The following TLN2 variants were observed in gnomAD, a reference collection of about 807,000 sequenced individuals.
The protein encoded by TLN2 is talin 2, also known as talin-2.
TLN2 carries 118 observed loss-of-function variants against 294.7 expected under a neutral mutation model. That is an observed-to-expected ratio of 0.40 (90% CI 0.34 to 0.47). The LOEUF is 0.47. Ranked by LOEUF, TLN2 falls within the 20% of genes least tolerant of loss-of-function variation. The probability of loss-of-function intolerance (pLI) is 0.84; values close to 1 mark genes in which losing one functional copy is unlikely to be tolerated. For missense variants in TLN2, 3,083 were observed against 3,282.2 expected (o/e 0.94, Z 1.48); for synonymous variants, 1,431 against 1,304.5 (o/e 1.10, Z -2.09).
At chr15:62,631,524 T>TTCCTTTCCTTTCCTC (rs2049847551) in intron 3 of TLN2, among the ~76,000 whole-genome samples, 1 of 56,106 alleles carries the variant, frequency 1.8e-5, no homozygotes, top group Admixed American at 2.0e-4. Context: ...CTTTCTTCCT[T>TTCCTTTCCTTTCCTC]TCCTTTCCTT....
At chr15:62,716,140 G>C (rs2059757036) in intron 22 of TLN2, among the ~76,000 whole-genome samples, 191 bp from the exon 23 acceptor site, 1 of 152,220 alleles carries the variant, frequency 6.6e-6, no homozygotes, top group African/African-American at 2.4e-5. Flanking sequence ...GCTTAGCTAT[G>C]CAATTTTGAA....
At chr15:62,453,350 G>A (rs2036266670) in intron 1 of TLN2, among the ~76,000 whole-genome samples, 1 of 151,584 alleles carries the variant, frequency 6.6e-6, no homozygotes, top group Admixed American at 6.6e-5. Flanking sequence ...GTTCTTCAGA[G>A]AAACAAGCAG....
At position 62,750,538 on chromosome 15, in the gene TLN2, T is replaced by C. The variant is rs751856126; in HGVS notation, c.4209+47T>C. 2.6e-6 allele frequency: 4 copies of C among 1,541,290 alleles called. No homozygotes were observed. The African/African-American group carries it at 5.5e-5, about 21-fold the overall frequency. On this transcript the variant is annotated intron_variant, in intron 34 of 58. Coordinates refer to ENST00000636159, the MANE Select transcript of TLN2 (RefSeq NM_015059.3). ...GTCAGAAGTTAGCATTGCTTGTCAA[T>C]GTGGGGAGAAGTTTAGACGTGCCTT...
intron 1 of TLN2, among the ~76,000 whole-genome samples, chr15:62,460,695 T>C (rs182570047): frequency 1.6e-4 from 24 of 152,232 alleles, no homozygotes; most frequent in African/African-American, 5.8e-4. Flanking sequence ...AAGAATTCCA[T>C]GTTTATTTCA....
intron 1 of TLN2, among the ~76,000 whole-genome samples, chr15:62,399,486 C>T (rs546156807): frequency 6.6e-6 from 1 of 152,228 alleles, no homozygotes; most frequent in South Asian, 2.1e-4. Context: ...CAACAGCTTG[C>T]ACCACATACC....
chr15:62,590,308 C>G (rs1000721304), intron 2 of TLN2, among the ~76,000 whole-genome samples: 2 of 152,116 alleles, frequency 1.3e-5, no homozygotes, highest in African/African-American at 4.8e-5. Context: ...CTCCCTCTTC[C>G]CAACCTCCAT....
chr15:62,520,814 A>C (rs111553136), intron 1 of TLN2, among the ~76,000 whole-genome samples: 47 of 152,338 alleles, frequency 3.1e-4, no homozygotes, highest in African/African-American at 1.1e-3. Flanking sequence ...GATTTAAAAA[A>C]TAATCTCTGA....
intron 42 of TLN2, among the ~76,000 whole-genome samples, chr15:62,776,530 T>C (rs1300128073): frequency 2.0e-5 from 3 of 152,250 alleles, no homozygotes; most frequent in African/African-American, 7.2e-5. Context: ...AAGATTTTGA[T>C]ATTGCAGTTT....
At chr15:62,602,663 A>G (rs1164183285) in intron 2 of TLN2, among the ~76,000 whole-genome samples, 1 of 152,156 alleles carries the variant, frequency 6.6e-6, no homozygotes, top group East Asian at 1.9e-4. Flanking sequence ...TTACAGATGC[A>G]GCCGCCTTGT....
At chr15:62,526,675 C>A (rs563945200) in intron 1 of TLN2, among the ~76,000 whole-genome samples, 1 of 152,210 alleles carries the variant, frequency 6.6e-6, no homozygotes, top group Non-Finnish European at 1.5e-5. Flanking sequence ...CATTTTAAAT[C>A]TCATGTTTTC....
intron 11 of TLN2, among the ~76,000 whole-genome samples, chr15:62,677,958 G>C (rs2056418654): frequency 1.3e-5 from 2 of 151,714 alleles, no homozygotes; most frequent in South Asian, 2.1e-4. Context: ...ACCATGCCCA[G>C]CTAATTCTGT....
intron 28 of TLN2, among the ~76,000 whole-genome samples, chr15:62,727,734 A>G (rs186575821): frequency 4.5e-4 from 68 of 152,356 alleles, no homozygotes; most frequent in African/African-American, 1.6e-3. Flanking sequence ...CATCAACTCT[A>G]AGAAAAGCAG....
chr15:62,653,849 A>G (rs1053817651), intron 7 of TLN2, among the ~76,000 whole-genome samples: 1 of 152,174 alleles, frequency 6.6e-6, no homozygotes, highest in African/African-American at 2.4e-5. Flanking sequence ...TTGTCTAAAA[A>G]TTTTTTTAAT....
chr15:62,391,049 C>T lies in TLN2; in HGVS notation c.-238+364C>T, dbSNP rs574550888. Among the ~76,000 whole-genome samples the T allele has an allele frequency of 3.3e-5, 5 of 152,350 alleles. No individual in the cohort carries two copies. In the East Asian group the frequency reaches 9.7e-4, roughly 29 times the overall value. On this transcript the variant is annotated intron_variant, in intron 1 of 58. Coordinates refer to ENST00000636159, the MANE Select transcript of TLN2 (RefSeq NM_015059.3). ...CCCCTCCGGGGCTCTCGCTGGGTTT[C>T]CGGTAACTGGGCTTTGAAAAGCGGC...
At chr15:62,541,775 AAAG>A (rs993718415) in intron 1 of TLN2, among the ~76,000 whole-genome samples, 2 of 152,134 alleles carry the variant, frequency 1.3e-5, no homozygotes, top group African/African-American at 4.8e-5. Flanking sequence ...ATACAACAGT[AAAG>A]TATGTGAATC....
chr15:62,658,707 C>G (rs1232518919), intron 9 of TLN2, among the ~76,000 whole-genome samples: 1 of 152,172 alleles, frequency 6.6e-6, no homozygotes. Context: ...CCTGCTTTTA[C>G]CCCACCAGTC....
intron 32 of TLN2, among the ~76,000 whole-genome samples, chr15:62,744,771 C>T (rs541751013): frequency 6.6e-6 from 1 of 152,248 alleles, no homozygotes; most frequent in Admixed American, 6.5e-5. Flanking sequence ...GGTCTCAAAA[C>T]TCCTGACCTA....
chr15:62,713,849 A>T (rs2059585528), intron 22 of TLN2, among the ~76,000 whole-genome samples: 1 of 149,000 alleles, frequency 6.7e-6, no homozygotes. Flanking sequence ...TTGTCTCCTA[A>T]TCCCTGTTTC....
intron 1 of TLN2, among the ~76,000 whole-genome samples, chr15:62,574,769 G>A (rs1386083649): frequency 6.6e-6 from 1 of 151,990 alleles, no homozygotes; most frequent in Non-Finnish European, 1.5e-5. Flanking sequence ...ATATGTCACA[G>A]TGTGGTTTAT....
Sources: gnomAD v4.1 joint callset for allele counts (sites outside exome capture counted in the v4.1 genomes callset) on GRCh38, gnomAD v4.1.1 for gene constraint, MANE v1.5 for transcripts, NCBI Gene and HGNC (gene_info 2026-07-23, HGNC 2026-07-21) for gene names.